Variants in USP9X observed in about 807,000 individuals in gnomAD.
The protein encoded by USP9X is ubiquitin carboxyl-terminal hydrolase 9X.
In USP9X, 7 loss-of-function variants were observed where a neutral mutation model predicts 190.3. The ratio of observed to expected loss-of-function variants is 0.04; its 90% CI spans 0.02 to 0.07. The LOEUF (loss-of-function observed/expected upper bound fraction) is 0.07, where lower values mean the gene tolerates loss of function less well. Ranked by LOEUF, USP9X falls within the 10% of genes least tolerant of loss-of-function variation. The probability of loss-of-function intolerance (pLI) is 1.00; values close to 1 mark genes in which losing one functional copy is unlikely to be tolerated. For synonymous variants in USP9X, 645 were observed against 659.5 expected, an observed-to-expected ratio of 0.98 and a Z score of 0.34; for missense variants, 1,010 against 1,916.9, an observed-to-expected ratio of 0.53 and a Z score of 8.83.
At chrX:41,162,263 G>A (rs2062640279) in intron 14 of USP9X, among the ~76,000 whole-genome samples, 1 of 112,187 alleles carries the variant, frequency 8.9e-6, no homozygotes, top group Non-Finnish European at 1.9e-5. Flanking sequence ...AATGCTGAAG[G>A]AAAATGACAC....
At chrX:41,091,850 C>A (rs1047052882) in intron 1 of USP9X, among the ~76,000 whole-genome samples, 7 of 111,814 alleles carry the variant, frequency 6.3e-5, no homozygotes, top group Admixed American at 5.7e-4. Flanking sequence ...TTATTAAATT[C>A]TCTGTAGTCA....
chrX:41,118,603 G>GCC (rs1484714854), intron 1 of USP9X, among the ~76,000 whole-genome samples: 1 of 111,373 alleles, frequency 9.0e-6, no homozygotes, highest in Non-Finnish European at 1.9e-5. Context: ...CCCCCTACTT[G>GCC]CCCCACACTT....
intron 21 of USP9X, among the ~76,000 whole-genome samples, chrX:41,182,937 G>GTTTT (rs11324762): frequency 1.0e-5 from 1 of 95,666 alleles, no homozygotes; most frequent in Non-Finnish European, 2.1e-5. Flanking sequence ...GAAAATCATA[G>GTTTT]TTTTTTTTTT....
intron 1 of USP9X, among the ~76,000 whole-genome samples, chrX:41,090,093 A>C (rs1783368607): frequency 9.4e-6 from 1 of 106,527 alleles, no homozygotes; most frequent in Non-Finnish European, 1.9e-5. Flanking sequence ...TCTTTTATAG[A>C]GATGGGTTTT....
chrX:41,113,201 TTTG>T (rs1230047504), intron 1 of USP9X, among the ~76,000 whole-genome samples: 1 of 111,999 alleles, frequency 8.9e-6, no homozygotes, highest in Non-Finnish European at 1.9e-5. Context: ...AATACGTTTT[TTTG>T]TTGTTGTTTT....
At chrX:41,166,823 T>C (rs1024833277) in intron 16 of USP9X, among the ~76,000 whole-genome samples, 11 of 112,358 alleles carry the variant, frequency 9.8e-5, no homozygotes, top group African/African-American at 3.6e-4. Context: ...GGCATTTGAG[T>C]ATTTAAAAGC....
intron 10 of USP9X, among the ~76,000 whole-genome samples, chrX:41,143,972 G>A (rs1417686741): frequency 9.0e-6 from 1 of 111,423 alleles, no homozygotes; most frequent in Non-Finnish European, 1.9e-5. Context: ...AGATTATAAA[G>A]CTTTGTTTTT....
At chrX:41,208,313 C>T (rs966985732) in intron 32 of USP9X, among the ~76,000 whole-genome samples, 9 of 112,666 alleles carry the variant, frequency 8.0e-5, no homozygotes, top group Non-Finnish European at 1.5e-4. Flanking sequence ...GCGAGAGCCA[C>T]TGCGCCCAGC....
At chrX:41,118,425 C>T (rs1478676738) in intron 1 of USP9X, among the ~76,000 whole-genome samples, 1 of 111,908 alleles carries the variant, frequency 8.9e-6, no homozygotes, top group Non-Finnish European at 1.9e-5. Context: ...ATGATGTCCT[C>T]AAGGTTCACC....
At chrX:41,198,303 T>A in intron 29 of USP9X, among the ~76,000 whole-genome samples, 1 of 112,269 alleles carries the variant, frequency 8.9e-6, no homozygotes, top group East Asian at 2.8e-4. Flanking sequence ...ATTCAGTTCT[T>A]TCTTAATATT....
intron 1 of USP9X, among the ~76,000 whole-genome samples, chrX:41,102,169 T>A (rs2062038882): frequency 8.9e-6 from 1 of 112,131 alleles, no homozygotes; most frequent in Admixed American, 9.5e-5. Flanking sequence ...GGGTGTTATT[T>A]TAAAAAACTT....
In USP9X at chrX:41,172,033, G is replaced by A. The variant is rs2062731164; in HGVS notation, c.3148+75G>A. The A allele has an allele frequency of 7.9e-6, 9 of 1,141,753 alleles. No homozygotes were observed. In the South Asian group the frequency reaches 1.4e-4, roughly 18 times the overall value. The allele number at this position is 1,141,753 out of a possible 1,213,427, so 94.1% of individuals were successfully genotyped here. On this transcript the variant is annotated intron_variant, in intron 21 of 44. Transcript: ENST00000378308. Reference sequence around the variant, plus strand: ...ATATTAGCAAATTCTGTTTCTAAATGGACCGTGCTTTTTGGTATAGACTAT... The same window carrying A: ...ATATTAGCAAATTCTGTTTCTAAATAGACCGTGCTTTTTGGTATAGACTAT...
chrX:41,211,132 CAGG>C (rs2063154236), intron 33 of USP9X, among the ~76,000 whole-genome samples: 1 of 111,823 alleles, frequency 8.9e-6, no homozygotes, highest in Non-Finnish European at 1.9e-5. Context: ...GCTGGGACTA[CAGG>C]CATGTGCCAC....
chrX:41,110,030 T>A (rs1287038340), intron 1 of USP9X, among the ~76,000 whole-genome samples: 1 of 111,445 alleles, frequency 9.0e-6, no homozygotes, highest in Non-Finnish European at 1.9e-5. Context: ...CCTCCTCATT[T>A]AACACACTCT....
At chrX:41,152,830 A>G (rs12836716) in intron 13 of USP9X, 118 bp from the exon 14 acceptor site, 15 of 737,267 alleles carry the variant, frequency 2.0e-5, no homozygotes, top group Non-Finnish European at 2.6e-5. Context: ...AAGTAAATGT[A>G]CAAAAGTATA....
intron 1 of USP9X, among the ~76,000 whole-genome samples, chrX:41,102,238 AC>A (rs1426790428): frequency 8.9e-6 from 1 of 111,979 alleles, no homozygotes; most frequent in Non-Finnish European, 1.9e-5. Flanking sequence ...TTTTTGGTGT[AC>A]TTTTTCAGAT....
Position 41,214,560 on chromosome X carries a change from G to A in USP9X, c.5190-8G>A, listed in dbSNP as rs1029512325. 12 of 1,143,392 alleles carry A rather than the reference G, an allele frequency of 1.0e-5. No homozygotes were observed. Among genetic ancestry groups the A allele is most frequent in the African/African-American group, 3.8e-5 (2 of 53,242 alleles). The allele number at this position is 1,143,392 out of a possible 1,213,427, so 94.2% of individuals were successfully genotyped here. On this transcript the variant is annotated splice_region_variant and splice_polypyrimidine_tract_variant and intron_variant, in intron 33 of 44. Coordinates refer to ENST00000378308, the MANE Select transcript of USP9X (RefSeq NM_001039591.3). ...AAGGGATAAATCCTTTTTTTAAATC[G>A]TTTTTAGGTACGAATGTGAAGAATC...
chrX:41,094,585 T>C (rs2061976305), intron 1 of USP9X, among the ~76,000 whole-genome samples: 1 of 111,777 alleles, frequency 8.9e-6, no homozygotes, highest in Non-Finnish European at 1.9e-5. Flanking sequence ...ATGTCAGTGC[T>C]ACCTTACTGT....
chrX:41,106,971 CTGCCGCCTG>C (rs948060625), intron 1 of USP9X, among the ~76,000 whole-genome samples: 1 of 104,378 alleles, frequency 9.6e-6, no homozygotes, highest in Non-Finnish European at 2.0e-5. Flanking sequence ...ACTGCAACCT[CTGCCGCCTG>C]GGTTCAAGTG....
Sources: gnomAD v4.1 joint callset for allele counts (sites outside exome capture counted in the v4.1 genomes callset) on GRCh38, gnomAD v4.1.1 for gene constraint, MANE v1.5 for transcripts, NCBI Gene and HGNC (gene_info 2026-07-23, HGNC 2026-07-21) for gene names.